The following TMEM132B variants were observed in gnomAD, a reference collection of about 807,000 sequenced individuals.
TMEM132B encodes transmembrane protein 132B.
In TMEM132B, 18 loss-of-function variants were observed where a neutral mutation model predicts 90.8. That is an observed-to-expected ratio of 0.20 (90% CI 0.14 to 0.29). TMEM132B has a LOEUF of 0.29. TMEM132B is among the 10% of genes least tolerant of loss of function. TMEM132B has a pLI of 1.00. For missense variants in TMEM132B, 1,096 were observed against 1,326.8 expected, an observed-to-expected ratio of 0.83 and a Z score of 2.70; for synonymous variants, 504 against 523.3, an observed-to-expected ratio of 0.96 and a Z score of 0.50.
intron 3 of TMEM132B, among the ~76,000 whole-genome samples, chr12:125,506,283 T>C (rs1882846675): frequency 6.6e-6 from 1 of 152,338 alleles, no homozygotes; most frequent in Non-Finnish European, 1.5e-5. Flanking sequence ...ATATTCTGTG[T>C]GATTCCAATT....
chr12:125,285,686 A>G (rs1281746840), intron 1 of TMEM132B, among the ~76,000 whole-genome samples: 1 of 152,192 alleles, frequency 6.6e-6, no homozygotes, highest in Non-Finnish European at 1.5e-5. Flanking sequence ...GGCTGCTCCC[A>G]GGTCTCCTAG....
At chr12:125,258,252 A>C (rs1368739789) in intron 1 of TMEM132B, among the ~76,000 whole-genome samples, 2 of 152,126 alleles carry the variant, frequency 1.3e-5, no homozygotes. Flanking sequence ...CCCCAAACCT[A>C]GTGTCTTACA....
At chr12:125,647,859 T>C (rs1016864508) in intron 6 of TMEM132B, among the ~76,000 whole-genome samples, 2 of 151,828 alleles carry the variant, frequency 1.3e-5, no homozygotes, top group African/African-American at 4.8e-5. Flanking sequence ...ATGTGGTACT[T>C]AGGATAGACA....
rs772792214 is a variant in TMEM132B at position 125,460,682 on chromosome 12, A to G, written c.1106+45005A>G. ...TAGACCAGAGTCAAAGGATGAAATAAAACAGTTGATTCCAGACCACTGGGG... is the reference window on the plus strand; with the variant it reads ...TAGACCAGAGTCAAAGGATGAAATAGAACAGTTGATTCCAGACCACTGGGG... On this transcript the variant is annotated intron_variant, in intron 3 of 8. Coordinates refer to ENST00000682704, the MANE Select transcript of TMEM132B (RefSeq NM_001366854.1). This position sits in a 1 kb window ranked among gnomAD's most constrained non-coding sequence, Gnocchi z 4.4. Among the ~76,000 whole-genome samples the G allele has an allele frequency of 6.6e-6, 1 of 152,132 alleles. No homozygotes were observed. Among genetic ancestry groups the G allele is most frequent in the African/African-American group, 2.4e-5 (1 of 41,428 alleles).
chr12:125,252,580 G>A (rs762547004), intron 1 of TMEM132B, among the ~76,000 whole-genome samples: 1 of 152,230 alleles, frequency 6.6e-6, no homozygotes, highest in Non-Finnish European at 1.5e-5. Context: ...GGTGGGAAAT[G>A]TCATGTGACT....
chr12:125,366,837 T>A (rs1310738747), intron 2 of TMEM132B, among the ~76,000 whole-genome samples: 1 of 152,234 alleles, frequency 6.6e-6, no homozygotes, highest in Non-Finnish European at 1.5e-5. Context: ...AACAGGCCTC[T>A]GAGTCTCTGT....
At position 125,650,809 on chromosome 12, in the gene TMEM132B, G is replaced by C. The variant is rs1886889283; in HGVS notation, c.1770G>C (p.Gln590His). 6.2e-7 allele frequency: 1 copy of C among 1,614,104 alleles called. No homozygotes were observed. Among genetic ancestry groups the C allele is most frequent in the Admixed American group, 1.7e-5 (1 of 60,010 alleles). ...TGGCCGAGTCACCTGACTTAGGGCA[G>C]CTGACCTACATGCTGGGCCCCGACT... ...QFVAESPDLG[Q>H]LTYMLGPDWQ... Residue 590 changes from glutamine (Q) to histidine (H), a missense_variant, in exon 7 of 9, where the codon CAG (glutamine) becomes CAC (histidine). Transcript: ENST00000682704.
At chr12:125,520,404 A>G (rs1249502539) in intron 4 of TMEM132B, among the ~76,000 whole-genome samples, 1 of 152,178 alleles carries the variant, frequency 6.6e-6, no homozygotes, top group Non-Finnish European at 1.5e-5. Flanking sequence ...TACTCTAGAA[A>G]AATCTGTGGG....
At chr12:125,622,837 C>T (rs996964355) in intron 5 of TMEM132B, among the ~76,000 whole-genome samples, 4 of 152,148 alleles carry the variant, frequency 2.6e-5, no homozygotes, top group Admixed American at 2.0e-4. Context: ...ACCTTGAGTT[C>T]ACAATTCAGA....
chr12:125,358,552 C>G (rs543279946), intron 2 of TMEM132B, among the ~76,000 whole-genome samples: 1 of 152,194 alleles, frequency 6.6e-6, no homozygotes, highest in South Asian at 2.1e-4. Context: ...GACTTTAACA[C>G]TTTTAAAGAC....
At chr12:125,285,103 A>T (rs1875311820) in intron 1 of TMEM132B, among the ~76,000 whole-genome samples, 1 of 152,228 alleles carries the variant, frequency 6.6e-6, no homozygotes, top group African/African-American at 2.4e-5. Context: ...CATAGTAACA[A>T]GTCTCAGGAT....
chr12:125,385,067 T>C (rs1878790186), intron 2 of TMEM132B, among the ~76,000 whole-genome samples: 4 of 152,250 alleles, frequency 2.6e-5, no homozygotes. Context: ...CAATTCCACA[T>C]AAAAGTGAGA....
rs369425644 is a variant in TMEM132B, at chr12:125,213,371, C to A, written c.67+26505C>A. 9.6e-4 allele frequency among the ~76,000 whole-genome samples: 146 copies of A among 152,316 alleles called. 1 individual carries two copies. The South Asian group carries it at 0.014, about 14-fold the overall frequency. ...TCCACCTTTTGGATATTGTGAATAG[C>A]ACTGCTGAGAACATTTGTGTACAAG... is the stretch of plus-strand genomic sequence containing the variant. On this transcript the variant is annotated intron_variant, in intron 1 of 8. Coordinates refer to ENST00000682704, the MANE Select transcript of TMEM132B (RefSeq NM_001366854.1). The surrounding 1 kb of genome is among the most constrained non-coding windows in gnomAD (Gnocchi z 4.2).
chr12:125,515,831 CTG>C (rs1377780517), intron 3 of TMEM132B, among the ~76,000 whole-genome samples: 1 of 143,764 alleles, frequency 7.0e-6, no homozygotes, highest in African/African-American at 2.8e-5. Flanking sequence ...TTCACACATT[CTG>C]TCACACACAC....
intron 1 of TMEM132B, among the ~76,000 whole-genome samples, chr12:125,197,156 C>T (rs943792410): frequency 6.6e-6 from 1 of 151,844 alleles, no homozygotes; most frequent in Admixed American, 6.5e-5. Flanking sequence ...CCGCCTCCCA[C>T]CCTGCACCCT....
chr12:125,507,562 A>C (rs11836957), intron 3 of TMEM132B, among the ~76,000 whole-genome samples: 108 of 152,232 alleles, frequency 7.1e-4, no homozygotes, highest in African/African-American at 2.6e-3. Context: ...TATAGCTGTC[A>C]TAGGGAGGAG....
chr12:125,579,865 C>A (rs947523607), intron 4 of TMEM132B, among the ~76,000 whole-genome samples: 19 of 152,016 alleles, frequency 1.2e-4, no homozygotes, highest in Non-Finnish European at 2.9e-5. Context: ...TTTTTCAAAG[C>A]TGGACATTTA....
In TMEM132B at chr12:125,629,978, A is replaced by G. The variant is rs370145303; in HGVS notation, c.1438-14098A>G. Among the ~76,000 whole-genome samples, 5 of 152,268 alleles carry G rather than the reference A, an allele frequency of 3.3e-5. No homozygotes were observed. The South Asian group carries it at 1.0e-3, about 32-fold the overall frequency. ...ATATGTTGAACCATCCTTGCATCCCAGGGATAAATCCCACTTGATCATGAT... is the reference window on the plus strand; with the variant it reads ...ATATGTTGAACCATCCTTGCATCCCGGGGATAAATCCCACTTGATCATGAT... On this transcript the variant is annotated intron_variant, in intron 5 of 8. Coordinates refer to ENST00000682704, the MANE Select transcript of TMEM132B (RefSeq NM_001366854.1).
rs1324651589 is a variant in TMEM132B at position 125,433,991 on chromosome 12, CT to C, written c.1106+18317del. On this transcript the variant is annotated intron_variant, in intron 3 of 8. Coordinates refer to ENST00000682704, the MANE Select transcript of TMEM132B (RefSeq NM_001366854.1). ...TGCTGACATAACAGATTATCAAAAA[CT>C]TTGTGGTTTCAAAGGATATATGTTT... 4.6e-5 allele frequency among the ~76,000 whole-genome samples: 7 copies of C among 152,076 alleles called. No homozygotes were observed. In the East Asian group the frequency reaches 1.4e-3, roughly 29 times the overall value.
Sources: allele counts gnomAD v4.1 joint callset (sites outside exome capture counted in the v4.1 genomes callset), GRCh38; gene constraint gnomAD v4.1.1; non-coding constraint Gnocchi (gnomAD v3.1); transcripts MANE v1.5; gene names NCBI Gene and HGNC (gene_info 2026-07-23, HGNC 2026-07-21).